The following ITGA9 variants were observed in gnomAD, a reference collection of about 807,000 sequenced individuals.
The protein encoded by ITGA9 is integrin subunit alpha 9.
A neutral mutation model predicts 127.8 loss-of-function variants in ITGA9; 56 were observed. The ratio of observed to expected loss-of-function variants is 0.44; its 90% confidence interval spans 0.35 to 0.55. ITGA9 has a LOEUF of 0.55. Among genes scored for constraint, ITGA9 ranks in the 20% least tolerant of loss-of-function variants. ITGA9 has a pLI of 0.00. For missense variants in ITGA9, 1,196 were observed against 1,347.1 expected, an observed-to-expected ratio of 0.89 and a Z score of 1.76; for synonymous variants, 508 against 514.5, an observed-to-expected ratio of 0.99 and a Z score of 0.17.
chr3:37,490,583 G>A (rs1203440432), intron 4 of ITGA9, among the ~76,000 whole-genome samples: 1 of 152,200 alleles, frequency 6.6e-6, no homozygotes, highest in East Asian at 1.9e-4. Flanking sequence ...TGATCTTTCT[G>A]TGGAATGGTT....
At chr3:37,789,768 CAAA>C (rs71635850) in intron 26 of ITGA9, among the ~76,000 whole-genome samples, 1 of 35,688 alleles carries the variant, frequency 2.8e-5, no homozygotes, top group Non-Finnish European at 4.6e-5. Flanking sequence ...GACTCCGTCT[CAAA>C]AAAAAAAAAA....
chr3:37,604,685 A>C (rs929586079), intron 15 of ITGA9, among the ~76,000 whole-genome samples: 1 of 152,202 alleles, frequency 6.6e-6, no homozygotes, highest in Non-Finnish European at 1.5e-5. Context: ...TCACTGTCGA[A>C]CAGGAACCCA....
At chr3:37,668,152 A>T (rs973214356) in intron 17 of ITGA9, among the ~76,000 whole-genome samples, 1 of 152,086 alleles carries the variant, frequency 6.6e-6, no homozygotes, top group African/African-American at 2.4e-5. Flanking sequence ...CTGAGCAGAC[A>T]CTGGCTGAGA....
At chr3:37,579,504 T>C (rs1315136535) in intron 15 of ITGA9, among the ~76,000 whole-genome samples, 1 of 152,160 alleles carries the variant, frequency 6.6e-6, no homozygotes, top group Non-Finnish European at 1.5e-5. Context: ...CCTGGAAGCC[T>C]CACATTATGG....
At chr3:37,753,317 C>T (rs560950202) in intron 23 of ITGA9, among the ~76,000 whole-genome samples, 2 of 152,292 alleles carry the variant, frequency 1.3e-5, no homozygotes, top group African/African-American at 4.8e-5. Flanking sequence ...CACTGTCTTG[C>T]AGGAAACAGA....
chr3:37,766,850 AAAG>A (rs60494919), intron 23 of ITGA9, among the ~76,000 whole-genome samples: 6,380 of 152,286 alleles, frequency 0.042, 291 homozygotes, highest in South Asian at 0.14. Context: ...CTTTTTCACT[AAAG>A]AGAATCTGAC....
At chr3:37,765,209 C>T (rs1696766736) in intron 23 of ITGA9, among the ~76,000 whole-genome samples, 1 of 152,054 alleles carries the variant, frequency 6.6e-6, no homozygotes, top group African/African-American at 2.4e-5. Flanking sequence ...CCCATCTCTA[C>T]TTGAGATCGC....
chr3:37,522,164 A>T (rs1288153716), intron 11 of ITGA9, among the ~76,000 whole-genome samples: 1 of 152,060 alleles, frequency 6.6e-6, no homozygotes, highest in African/African-American at 2.4e-5. Context: ...ACCTGGTTCT[A>T]TTGTACTTTG....
intron 14 of ITGA9, among the ~76,000 whole-genome samples, chr3:37,537,809 G>A (rs1699225169): frequency 6.6e-6 from 1 of 152,222 alleles, no homozygotes; most frequent in Non-Finnish European, 1.5e-5. Context: ...CCGACTGTGG[G>A]CTCCTCCAGG....
intron 27 of ITGA9, among the ~76,000 whole-genome samples, chr3:37,815,469 C>T (rs909239070): frequency 6.6e-6 from 1 of 152,056 alleles, no homozygotes; most frequent in African/African-American, 2.4e-5. Context: ...ATTAGCTGGG[C>T]AGGGTGGTAC....
At chr3:37,709,446 AG>A (rs1701053199) in intron 18 of ITGA9, among the ~76,000 whole-genome samples, 2 of 152,198 alleles carry the variant, frequency 1.3e-5, no homozygotes, top group African/African-American at 4.8e-5. Flanking sequence ...ATTTACCATC[AG>A]TTTTTCTTTC....
intron 15 of ITGA9, among the ~76,000 whole-genome samples, chr3:37,595,169 G>T (rs190840151): frequency 2.0e-5 from 3 of 152,040 alleles, no homozygotes; most frequent in Admixed American, 2.0e-4. Flanking sequence ...CAGTGGTACA[G>T]TCTCCGCTCA....
At chr3:37,764,137 A>G (rs1696752056) in intron 23 of ITGA9, among the ~76,000 whole-genome samples, 1 of 152,192 alleles carries the variant, frequency 6.6e-6, no homozygotes, top group Non-Finnish European at 1.5e-5. Flanking sequence ...AAAATGAAAA[A>G]TAATTGCCTA....
At chr3:37,586,867 G>C (rs138517474) in intron 15 of ITGA9, among the ~76,000 whole-genome samples, 1 of 152,160 alleles carries the variant, frequency 6.6e-6, no homozygotes, top group Non-Finnish European at 1.5e-5. Context: ...CTTTGTTTGT[G>C]ACATTTAGCT....
chr3:37,694,044 C>T (rs1340231290), intron 18 of ITGA9, among the ~76,000 whole-genome samples: 2 of 152,200 alleles, frequency 1.3e-5, no homozygotes, highest in African/African-American at 2.4e-5. Context: ...TCTTTTCCGC[C>T]CCCTTCCTGT....
intron 5 of ITGA9, among the ~76,000 whole-genome samples, chr3:37,500,320 T>G (rs1698775302): frequency 6.6e-6 from 1 of 152,206 alleles, no homozygotes; most frequent in Non-Finnish European, 1.5e-5. Flanking sequence ...GAGATACCCC[T>G]GGGAACATCT....
In ITGA9 at chr3:37,496,315, A is replaced by G. The variant is rs144490303; in HGVS notation, c.612+1747A>G. On this transcript the variant is annotated intron_variant, in intron 5 of 27. Coordinates refer to ENST00000264741, the MANE Select transcript of ITGA9 (RefSeq NM_002207.3). The stretch of plus-strand genomic sequence containing the variant: ...ACCTCGCTGGAGAATCATTTTTATG[A>G]CAGTCGACAGAGTTCTATGCCCTGG... Among the ~76,000 whole-genome samples, 332 of 152,260 alleles carry G rather than the reference A, an allele frequency of 2.2e-3. 3 individuals carry two copies. The highest frequency in any genetic ancestry group is 7.6e-3 in the African/African-American group (314 of 41,526).
At chr3:37,664,692 G>A (rs556971970) in intron 17 of ITGA9, among the ~76,000 whole-genome samples, 6 of 151,594 alleles carry the variant, frequency 4.0e-5, no homozygotes, top group African/African-American at 7.3e-5. Flanking sequence ...ATGAACCACC[G>A]CGCCTGGCCG....
chr3:37,631,978 G>C (rs1431418760), intron 16 of ITGA9, among the ~76,000 whole-genome samples: 1 of 152,178 alleles, frequency 6.6e-6, no homozygotes, highest in African/African-American at 2.4e-5. Context: ...AGTCACCAAC[G>C]TAAGAGCTAG....
Sources: allele counts gnomAD v4.1 joint callset (sites outside exome capture counted in the v4.1 genomes callset), GRCh38; gene constraint gnomAD v4.1.1; transcripts MANE v1.5; gene names NCBI Gene and HGNC (gene_info 2026-07-23, HGNC 2026-07-21).